The following FHIT variants were observed in gnomAD, a reference collection of about 807,000 sequenced individuals.
FHIT encodes fragile histidine triad diadenosine triphosphatase, also known as bis(5'-adenosyl)-triphosphatase.
FHIT carries 19 observed loss-of-function variants against 17.9 expected under a neutral mutation model. The ratio of observed to expected loss-of-function variants is 1.06; its 90% CI spans 0.74 to 1.56. The LOEUF is 1.56. FHIT is among the 40% of genes most tolerant of loss of function. The pLI is 0.00. For missense variants in FHIT, 248 were observed against 189.2 expected (o/e 1.31, Z -1.82); for synonymous variants, 81 against 69.7 (o/e 1.16, Z -0.81).
At chr3:60,124,065 G>GAGAC (rs1553691057) in intron 5 of FHIT, among the ~76,000 whole-genome samples, 34 of 108,238 alleles carry the variant, frequency 3.1e-4, no homozygotes, top group Admixed American at 6.8e-4. Context: ...GACAGAGAGA[G>GAGAC]AGAGAGATAC....
chr3:60,837,582 A>G (rs1702581263), intron 3 of FHIT, among the ~76,000 whole-genome samples: 1 of 152,104 alleles, frequency 6.6e-6, no homozygotes, highest in Admixed American at 6.5e-5. Flanking sequence ...TATAAGTGGT[A>G]TATTTAGACC....
At chr3:59,839,790 G>A (rs903596454) in intron 8 of FHIT, among the ~76,000 whole-genome samples, 2 of 152,072 alleles carry the variant, frequency 1.3e-5, no homozygotes, top group Non-Finnish European at 2.9e-5. Flanking sequence ...AGAGATGAAG[G>A]AGAAAAAAAA....
At chr3:59,796,540 T>G (rs1274560485) in intron 8 of FHIT, among the ~76,000 whole-genome samples, 1 of 152,220 alleles carries the variant, frequency 6.6e-6, no homozygotes, top group African/African-American at 2.4e-5. Context: ...CTTGTTTTTC[T>G]GTCTGCTAAA....
At chr3:60,708,392 G>C (rs2041427905) in intron 4 of FHIT, among the ~76,000 whole-genome samples, 1 of 152,208 alleles carries the variant, frequency 6.6e-6, no homozygotes, top group Non-Finnish European at 1.5e-5. Flanking sequence ...GCAACCTGCT[G>C]AGTCAGTTGT....
intron 5 of FHIT, among the ~76,000 whole-genome samples, chr3:60,189,838 G>C (rs1702324347): frequency 6.6e-6 from 1 of 152,140 alleles, no homozygotes; most frequent in African/African-American, 2.4e-5. Flanking sequence ...GTATTCTTCG[G>C]AGTTGGTTGG....
intron 5 of FHIT, among the ~76,000 whole-genome samples, chr3:60,384,617 G>A (rs1017264323): frequency 6.6e-6 from 1 of 152,066 alleles, no homozygotes; most frequent in Non-Finnish European, 1.5e-5. Flanking sequence ...TAAACAAAAC[G>A]TGCAAGGATA....
At chr3:60,844,304 C>G (rs1702846387) in intron 3 of FHIT, among the ~76,000 whole-genome samples, 1 of 152,008 alleles carries the variant, frequency 6.6e-6, no homozygotes, top group Non-Finnish European at 1.5e-5. Flanking sequence ...TGTATATCAA[C>G]AAGAGGAATG....
intron 5 of FHIT, among the ~76,000 whole-genome samples, chr3:60,196,785 T>C (rs968472998): frequency 6.6e-6 from 1 of 150,862 alleles, no homozygotes; most frequent in Non-Finnish European, 1.5e-5. Flanking sequence ...ATATCATACA[T>C]ATATACAATA....
intron 3 of FHIT, among the ~76,000 whole-genome samples, chr3:60,867,167 A>C (rs1704202238): frequency 6.6e-6 from 1 of 152,268 alleles, no homozygotes; most frequent in South Asian, 2.1e-4. Context: ...AAATTAAATA[A>C]AATCAGCAAA....
chr3:60,055,435 G>C (rs1702041459), intron 5 of FHIT, among the ~76,000 whole-genome samples: 1 of 148,628 alleles, frequency 6.7e-6, no homozygotes, highest in African/African-American at 2.5e-5. Flanking sequence ...ACAAATGTAT[G>C]GTGATGGACT....
intron 3 of FHIT, among the ~76,000 whole-genome samples, chr3:61,029,034 G>T (rs565099395): frequency 1.3e-5 from 2 of 152,298 alleles, no homozygotes; most frequent in South Asian, 4.1e-4. Context: ...TTCCAGAATG[G>T]TTCAAATATA....
chr3:61,209,853 G>A (rs2039397427), intron 1 of FHIT, among the ~76,000 whole-genome samples: 1 of 152,214 alleles, frequency 6.6e-6, no homozygotes, highest in Non-Finnish European at 1.5e-5. Flanking sequence ...CATTGCTGGT[G>A]AGGAGCTGCG....
chr3:61,040,093 A>G (rs2107687432), intron 3 of FHIT, among the ~76,000 whole-genome samples: 1 of 152,354 alleles, frequency 6.6e-6, no homozygotes, highest in South Asian at 2.1e-4. Context: ...GCAAACCTCA[A>G]AGGGGTTTAA....
chr3:61,134,254 C>G (rs879875859), intron 2 of FHIT, among the ~76,000 whole-genome samples: 6 of 152,196 alleles, frequency 3.9e-5, no homozygotes, highest in Admixed American at 2.0e-4. Flanking sequence ...CAGGCAGTGT[C>G]TATTTCTAAA....
chr3:59,817,394 C>T (rs1700636842), intron 8 of FHIT, among the ~76,000 whole-genome samples: 1 of 151,784 alleles, frequency 6.6e-6, no homozygotes, highest in Non-Finnish European at 1.5e-5. Context: ...GTGGAACTGT[C>T]CCTTGGCATT....
chr3:59,972,508 A>G (rs1296221426), intron 7 of FHIT, among the ~76,000 whole-genome samples: 1 of 152,028 alleles, frequency 6.6e-6, no homozygotes, highest in African/African-American at 2.4e-5. Context: ...CTCCAGCCTA[A>G]ACCTCTGAGG....
At chr3:61,106,013 G>T (rs1432824394) in intron 2 of FHIT, among the ~76,000 whole-genome samples, 1 of 152,136 alleles carries the variant, frequency 6.6e-6, no homozygotes, top group Non-Finnish European at 1.5e-5. Context: ...CCTGTATAGA[G>T]AGGTCTTAAT....
chr3:60,858,150 C>T (rs72886279), intron 3 of FHIT, among the ~76,000 whole-genome samples: 12,433 of 152,134 alleles, frequency 0.082, 1,315 homozygotes, highest in African/African-American at 0.24. Flanking sequence ...GCAATGAACA[C>T]TTAATGAGTA....
intron 3 of FHIT, among the ~76,000 whole-genome samples, chr3:60,957,810 CT>C (rs1709241849): frequency 6.6e-6 from 1 of 152,196 alleles, no homozygotes; most frequent in Admixed American, 6.5e-5. Context: ...CACAGCACAA[CT>C]GATATTGTAT....
Sources: gnomAD v4.1 joint callset for allele counts (sites outside exome capture counted in the v4.1 genomes callset) on GRCh38, gnomAD v4.1.1 for gene constraint, MANE v1.5 for transcripts, NCBI Gene and HGNC (gene_info 2026-07-23, HGNC 2026-07-21) for gene names.